SLC25A21: variants seen among roughly 807,000 people sequenced by gnomAD.
SLC25A21 encodes mitochondrial 2-oxodicarboxylate carrier.
A neutral mutation model predicts 43.8 loss-of-function variants in SLC25A21; 47 were observed. The ratio of observed to expected loss-of-function variants is 1.07; its 90% CI spans 0.85 to 1.37. The LOEUF (loss-of-function observed/expected upper bound fraction) is 1.37, where lower values mean the gene tolerates loss of function less well. Ranked by LOEUF, SLC25A21 falls within the 40% of genes most tolerant of loss-of-function variation. The pLI is 0.00. For synonymous variants in SLC25A21, 131 were observed against 121.3 expected (o/e 1.08, Z -0.52); for missense variants, 352 against 350.2 (o/e 1.00, Z -0.04).
intron 2 of SLC25A21, among the ~76,000 whole-genome samples, chr14:36,847,657 C>T (rs1889589056): frequency 6.6e-6 from 1 of 152,038 alleles, no homozygotes; most frequent in South Asian, 2.1e-4. Flanking sequence ...TTTCTATGTT[C>T]AAAGGTTCCT....
intron 1 of SLC25A21, among the ~76,000 whole-genome samples, chr14:36,884,943 C>T (rs1270808383): frequency 2.0e-5 from 3 of 152,060 alleles, no homozygotes; most frequent in Non-Finnish European, 2.9e-5. Flanking sequence ...CTTAATAATG[C>T]CCTTTGCTGT....
At chr14:36,860,422 A>G (rs1391944030) in intron 2 of SLC25A21, among the ~76,000 whole-genome samples, 2 of 152,142 alleles carry the variant, frequency 1.3e-5, no homozygotes, top group Non-Finnish European at 2.9e-5. Flanking sequence ...TGGGGAGTGA[A>G]GTCCCAGAGC....
intron 1 of SLC25A21, among the ~76,000 whole-genome samples, chr14:36,966,256 A>T (rs1387682746): frequency 6.6e-6 from 1 of 152,102 alleles, no homozygotes; most frequent in Admixed American, 6.5e-5. Context: ...GTGTCCCCTA[A>T]AAAGGTGTGT....
chr14:36,734,360 CTAATTA>C (rs1884946724), intron 4 of SLC25A21, 141 bp downstream of exon 4: 1 of 547,354 alleles, frequency 1.8e-6, no homozygotes, highest in Admixed American at 3.6e-5. Flanking sequence ...CTGACCAAGT[CTAATTA>C]TAATAAAAAT....
intron 1 of SLC25A21, among the ~76,000 whole-genome samples, chr14:36,926,272 G>C (rs1205500739): frequency 6.6e-6 from 1 of 151,998 alleles, no homozygotes; most frequent in Admixed American, 6.5e-5. Context: ...CATGTCCAAA[G>C]AATAAATCAT....
chr14:36,849,312 A>C (rs768504503), intron 2 of SLC25A21, among the ~76,000 whole-genome samples: 1 of 152,142 alleles, frequency 6.6e-6, no homozygotes, highest in Non-Finnish European at 1.5e-5. Flanking sequence ...GATTTTATGA[A>C]ACACTTCCAT....
At chr14:36,750,807 C>T (rs746876180) in intron 3 of SLC25A21, among the ~76,000 whole-genome samples, 5 of 152,186 alleles carry the variant, frequency 3.3e-5, no homozygotes, top group African/African-American at 7.2e-5. Flanking sequence ...GGATTCAGTA[C>T]CTTTGCCAGG....
chr14:36,954,265 A>T (rs1281380084), intron 1 of SLC25A21, among the ~76,000 whole-genome samples: 1 of 152,014 alleles, frequency 6.6e-6, no homozygotes, highest in Non-Finnish European at 1.5e-5. Flanking sequence ...TCTCCCTCTC[A>T]TCAGGACCTC....
At chr14:37,000,029 CAT>C (rs958647516) in intron 1 of SLC25A21, among the ~76,000 whole-genome samples, 5 of 152,146 alleles carry the variant, frequency 3.3e-5, no homozygotes, top group African/African-American at 1.2e-4. Flanking sequence ...AGAAAACTAA[CAT>C]ATTAAAATCA....
chr14:36,888,523 C>T (rs1238139191), intron 1 of SLC25A21, among the ~76,000 whole-genome samples: 2 of 151,648 alleles, frequency 1.3e-5, no homozygotes, highest in Non-Finnish European at 2.9e-5. Context: ...TCTGTAATGT[C>T]TATATATTCA....
intron 5 of SLC25A21, among the ~76,000 whole-genome samples, chr14:36,726,576 G>A (rs529945442): frequency 3.0e-4 from 46 of 152,276 alleles, no homozygotes; most frequent in Non-Finnish European, 4.6e-4. Flanking sequence ...GTTCTTATTC[G>A]CTATCTGTTA....
chr14:36,836,407 A>C (rs1889210999), intron 2 of SLC25A21, among the ~76,000 whole-genome samples: 1 of 152,262 alleles, frequency 6.6e-6, no homozygotes, highest in Non-Finnish European at 1.5e-5. Flanking sequence ...TGTGATGCGT[A>C]AATAATGCTT....
chr14:37,098,806 T>TAGATAGA (rs1491150034), intron 1 of SLC25A21, among the ~76,000 whole-genome samples: 10 of 4,172 alleles, frequency 2.4e-3, no homozygotes, highest in Non-Finnish European at 4.2e-3. Context: ...GATAGATAGA[T>TAGATAGA]TTTTTTTTTT....
chr14:36,977,911 AT>A (rs749158445), intron 1 of SLC25A21, among the ~76,000 whole-genome samples: 18 of 144,974 alleles, frequency 1.2e-4, no homozygotes, highest in Non-Finnish European at 2.1e-4. Flanking sequence ...TCTCTCTTTT[AT>A]TTCACACACT....
intron 1 of SLC25A21, among the ~76,000 whole-genome samples, chr14:37,099,594 G>C (rs374811399): frequency 6.6e-6 from 1 of 151,540 alleles, no homozygotes; most frequent in South Asian, 2.1e-4. Flanking sequence ...TGTTCCCCCC[G>C]CCACCGACTC....
chr14:36,875,513 A>G (rs1277407188), intron 1 of SLC25A21, among the ~76,000 whole-genome samples: 1 of 152,204 alleles, frequency 6.6e-6, no homozygotes, highest in Non-Finnish European at 1.5e-5. Flanking sequence ...AATACATATC[A>G]ATACATTAAT....
intron 7 of SLC25A21, among the ~76,000 whole-genome samples, chr14:36,704,696 C>T (rs960062592): frequency 1.3e-5 from 2 of 148,860 alleles, no homozygotes; most frequent in Admixed American, 6.7e-5. Flanking sequence ...CAAAAACAAA[C>T]AAAAAAAACA....
chr14:37,164,526 C>T (rs1321371173), intron 1 of SLC25A21, among the ~76,000 whole-genome samples: 1 of 152,132 alleles, frequency 6.6e-6, no homozygotes, highest in African/African-American at 2.4e-5. Flanking sequence ...CCCCTTTGCA[C>T]CATTTTGCAA....
At chr14:37,155,560 T>C (rs1226617797) in intron 1 of SLC25A21, among the ~76,000 whole-genome samples, 2 of 152,068 alleles carry the variant, frequency 1.3e-5, no homozygotes, top group Non-Finnish European at 2.9e-5. Context: ...TAGTCACCTA[T>C]AAAGAAAACT....
Sources: allele counts gnomAD v4.1 joint callset (sites outside exome capture counted in the v4.1 genomes callset), GRCh38; gene constraint gnomAD v4.1.1; transcripts MANE v1.5; gene names NCBI Gene and HGNC (gene_info 2026-07-23, HGNC 2026-07-21).